Variants in ABCC6 observed in about 807,000 individuals in gnomAD.
ABCC6 encodes the protein ATP-binding cassette sub-family C member 6.
In ABCC6, 126 loss-of-function variants were observed where a neutral mutation model predicts 169.5. That is an observed-to-expected ratio of 0.74 (90% CI 0.64 to 0.86). The LOEUF is 0.86. ABCC6 is among the 40% of genes least tolerant of loss of function. The pLI is 0.00. For missense variants in ABCC6, 1,733 were observed against 1,927.2 expected, an observed-to-expected ratio of 0.90 and a Z score of 1.89; for synonymous variants, 752 against 814.7, an observed-to-expected ratio of 0.92 and a Z score of 1.31.
Position 16,149,822 on chromosome 16 carries a change from A to C in ABCC6, c.*311T>G. The C allele has an allele frequency of 2.0e-6, 1 of 501,680 alleles. No individual in the cohort carries two copies. Among genetic ancestry groups the C allele is most frequent in the Non-Finnish European group, 3.7e-6 (1 of 273,596 alleles). 31.1% of individuals were successfully genotyped at this position (501,680 alleles called of 1,614,324 possible). ...ATTCTGATTTAAGGGTCTAGCCGGG[A>C]GCCTGGGCATGTGCTTGAGGCCCCC... On this transcript the variant is annotated 3_prime_UTR_variant, in exon 31 of 31. Coordinates refer to ENST00000205557, the MANE Select transcript of ABCC6 (RefSeq NM_001171.6).
At position 16,211,164 on chromosome 16, in the gene ABCC6, A is replaced by G. The variant is rs144230499; in HGVS notation, c.662+1021T>C. Among the ~76,000 whole-genome samples the G allele has an allele frequency of 2.9e-3, 440 of 152,018 alleles. 3 individuals are homozygous for G. The highest frequency in any genetic ancestry group is 0.01 in the African/African-American group (423 of 41,486). On this transcript the variant is annotated intron_variant, in intron 6 of 30. Coordinates refer to ENST00000205557, the MANE Select transcript of ABCC6 (RefSeq NM_001171.6). ...CACCTGTAATCCCAGCACTTTGGGA[A>G]GCCGAGGCGGGCAGATCACCTGAGG...
intron 29 of ABCC6, among the ~76,000 whole-genome samples, chr16:16,152,300 A>G (rs552261355): frequency 1.1e-4 from 16 of 149,848 alleles, no homozygotes; most frequent in African/African-American, 3.7e-4. Flanking sequence ...CCAGGTTGTG[A>G]GCCCAGTGAG....
chr16:16,183,511 A>G (rs1009665135), intron 15 of ABCC6, among the ~76,000 whole-genome samples: 1 of 151,974 alleles, frequency 6.6e-6, no homozygotes, highest in South Asian at 2.1e-4. Flanking sequence ...CAGCACTCCC[A>G]TTTCACTCAG....
chr16:16,177,399 C>T, intron 19 of ABCC6, 53 bp downstream of exon 19: 2 of 1,608,904 alleles, frequency 1.2e-6, no homozygotes, highest in South Asian at 1.1e-5. Flanking sequence ...GAGCCTTTTC[C>T]CCCAAGGGTG....
At position 16,169,640 on chromosome 16, in the gene ABCC6, G is replaced by A. The variant is rs373896559; in HGVS notation, c.2995+6C>T. On this transcript the variant is annotated splice_donor_region_variant and intron_variant, in intron 22 of 30. Coordinates refer to ENST00000205557, the MANE Select transcript of ABCC6 (RefSeq NM_001171.6). ...GAGAGGGATGAGGAGGGCAGGTGAG[G>A]CGTACCTTGGAGACAGCCGAGGAGC... 1.3e-4 allele frequency: 202 copies of A among 1,610,230 alleles called. No individual in the cohort carries two copies. The highest frequency in any genetic ancestry group is 6.2e-5 in the Non-Finnish European group (73 of 1,179,580).
chr16:16,154,453 C>T (rs977194818), intron 29 of ABCC6, among the ~76,000 whole-genome samples, 175 bp downstream of exon 29: 1 of 152,058 alleles, frequency 6.6e-6, no homozygotes, highest in African/African-American at 2.4e-5. Flanking sequence ...GGGGGAAAAC[C>T]TTGGTATTCA....
At chr16:16,199,760 G>C (rs1023336241) in intron 9 of ABCC6, among the ~76,000 whole-genome samples, 1 of 141,294 alleles carries the variant, frequency 7.1e-6, no homozygotes, top group African/African-American at 2.5e-5. Context: ...GGGGAACAAG[G>C]CTCTATAATA....
chr16:16,176,825 C>G (rs1201495426), intron 19 of ABCC6, among the ~76,000 whole-genome samples: 1 of 152,206 alleles, frequency 6.6e-6, no homozygotes, highest in Non-Finnish European at 1.5e-5. Flanking sequence ...GTTTCCTCAT[C>G]TGTGAAATGG....
chr16:16,215,438 GGTGTGTGTGTGTGTGT>G (rs56229208), intron 4 of ABCC6, among the ~76,000 whole-genome samples: 2 of 136,930 alleles, frequency 1.5e-5, no homozygotes, highest in African/African-American at 2.8e-5. Flanking sequence ...TTTAATTTTA[GGTGTGTGTGTGTGTGT>G]GTGTGTGTGT....
chr16:16,155,642 G>T (rs2046527568), intron 27 of ABCC6: 1 of 156,822 alleles, frequency 6.4e-6, no homozygotes, highest in East Asian at 1.9e-4. Context: ...TGTCCATTCT[G>T]TTATCCATCT....
At chr16:16,221,962 C>A in intron 1 of ABCC6, 131 bp from the exon 2 acceptor site, 1 of 1,386,156 alleles carries the variant, frequency 7.2e-7, no homozygotes, top group East Asian at 2.4e-5. Flanking sequence ...CTTTGGAATA[C>A]CTACTAATTC....
At chr16:16,190,064 CG>C in intron 12 of ABCC6, 99 bp downstream of exon 12, 1 of 1,273,232 alleles carries the variant, frequency 7.9e-7, no homozygotes, top group South Asian at 1.2e-5. Context: ...TTTTGATGGA[CG>C]GGGTGGTAGG....
In ABCC6 at chr16:16,204,837, C is replaced by CA. The variant is rs1007008090; in HGVS notation, c.795-1225_795-1224insT. On this transcript the variant is annotated intron_variant, in intron 7 of 30. Transcript: ENST00000205557. The stretch of plus-strand genomic sequence containing the variant: ...AGTAATTTCTTTTTCTTTTTCTTTT[C>CA]TTTTTTTTTTTTTTTGAGACAGAGT... Among the ~76,000 whole-genome samples, 391 of 140,200 alleles carry CA rather than the reference C, an allele frequency of 2.8e-3. 2 individuals are homozygous for CA. The highest frequency in any genetic ancestry group is 9.8e-3 in the African/African-American group (376 of 38,222). The allele number at this position is 140,200 out of a possible 152,430, so 92.0% of individuals were successfully genotyped here.
rs1163693489 is a variant in ABCC6 at position 16,153,052 on chromosome 16, C to G, written c.4208+1576G>C. Among the ~76,000 whole-genome samples, 4 of 152,248 alleles carry G rather than the reference C, an allele frequency of 2.6e-5. No homozygotes were observed. In the South Asian group the frequency reaches 6.2e-4, roughly 24 times the overall value. The stretch of plus-strand genomic sequence containing the variant: ...CCCACGTAACTGGGATTACAGGCGC[C>G]TGCCGCCACACCCAGCTAATTTTTG... On this transcript the variant is annotated intron_variant, in intron 29 of 30. Transcript: ENST00000205557.
chr16:16,170,559 A>G (rs7500840), intron 21 of ABCC6, among the ~76,000 whole-genome samples: 148,752 of 152,240 alleles, frequency 0.98, 72,768 homozygotes, highest in Middle Eastern at 1. Flanking sequence ...CTGCAGCCAG[A>G]CGGGACTGTT....
intron 19 of ABCC6, among the ~76,000 whole-genome samples, chr16:16,177,142 C>G (rs1243267631): frequency 6.6e-6 from 1 of 152,218 alleles, no homozygotes; most frequent in Non-Finnish European, 1.5e-5. Flanking sequence ...TGATTTAACT[C>G]TCTTTGCCTC....
chr16:16,195,930 C>G (rs1487401548), intron 10 of ABCC6, among the ~76,000 whole-genome samples: 1 of 152,084 alleles, frequency 6.6e-6, no homozygotes, highest in Non-Finnish European at 1.5e-5. Flanking sequence ...TTTTACAAGG[C>G]CAGGCACAGT....
chr16:16,157,122 A>G (rs1220931387), intron 27 of ABCC6, among the ~76,000 whole-genome samples: 3 of 151,952 alleles, frequency 2.0e-5, no homozygotes, highest in African/African-American at 7.3e-5. Flanking sequence ...TAGTACTAGC[A>G]CCTCACTTAG....
chr16:16,204,096 G>A (rs1003581180), intron 7 of ABCC6, among the ~76,000 whole-genome samples: 2 of 148,726 alleles, frequency 1.3e-5, no homozygotes, highest in African/African-American at 2.5e-5. Flanking sequence ...TTGCTCTGTC[G>A]CCCAGGCTGG....
Sources: gnomAD v4.1 joint callset for allele counts (sites outside exome capture counted in the v4.1 genomes callset) on GRCh38, gnomAD v4.1.1 for gene constraint, MANE v1.5 for transcripts, NCBI Gene and HGNC (gene_info 2026-07-23, HGNC 2026-07-21) for gene names.